The following SLC24A2 variants were observed in gnomAD, a reference collection of about 807,000 sequenced individuals.
The protein encoded by SLC24A2 is sodium/potassium/calcium exchanger 2.
A neutral mutation model predicts 62.0 loss-of-function variants in SLC24A2; 36 were observed. That is an observed-to-expected ratio of 0.58 (90% CI 0.44 to 0.77). SLC24A2 has a LOEUF of 0.77. Ranked by LOEUF, SLC24A2 falls within the 30% of genes least tolerant of loss-of-function variation. SLC24A2 has a pLI of 0.00. For missense variants in SLC24A2, 846 were observed against 817.9 expected (o/e 1.03, Z -0.42); for synonymous variants, 358 against 294.0 (o/e 1.22, Z -2.23).
the SLC24A2 span, among the ~76,000 whole-genome samples, chr9:20,246,153 A>G: frequency 6.8e-6 from 1 of 146,020 alleles, no homozygotes; most frequent in Non-Finnish European, 1.5e-5. Flanking sequence ...TAGGTCTGGC[A>G]CTCAGAGAAA....
chr9:19,594,578 T>A (rs1339724110), intron 5 of SLC24A2, among the ~76,000 whole-genome samples: 1 of 152,178 alleles, frequency 6.6e-6, no homozygotes, highest in African/African-American at 2.4e-5. Context: ...GAAACAGTTA[T>A]AAATAAGGAC....
At chr9:19,955,406 TTGAGATG>T in the SLC24A2 span, among the ~76,000 whole-genome samples, 1 of 151,452 alleles carries the variant, frequency 6.6e-6, no homozygotes, top group Non-Finnish European at 1.5e-5. Flanking sequence ...TCCTTTTTTA[TTGAGATG>T]TTAGTAAGGG....
At chr9:20,100,967 T>C in the SLC24A2 span, among the ~76,000 whole-genome samples, 449 of 152,318 alleles carry the variant, frequency 2.9e-3, 1 homozygote, top group Non-Finnish European at 4.1e-3. Context: ...TACACAGTGG[T>C]AACTTGTGCA....
the SLC24A2 span, among the ~76,000 whole-genome samples, chr9:19,801,350 C>T: frequency 2.0e-5 from 3 of 152,144 alleles, no homozygotes; most frequent in Non-Finnish European, 2.9e-5. Flanking sequence ...GTGGGTGCCT[C>T]GCTGGTTCAG....
At chr9:19,801,525 C>T in the SLC24A2 span, among the ~76,000 whole-genome samples, 1 of 152,224 alleles carries the variant, frequency 6.6e-6, no homozygotes, top group African/African-American at 2.4e-5. Context: ...GAAAACAGAG[C>T]TCCCATACAA....
At chr9:19,662,778 T>G (rs981892091) in intron 2 of SLC24A2, among the ~76,000 whole-genome samples, 1 of 152,224 alleles carries the variant, frequency 6.6e-6, no homozygotes, top group Non-Finnish European at 1.5e-5. Context: ...CAATTTGATT[T>G]AATGCCCATT....
At chr9:19,947,691 T>C in the SLC24A2 span, among the ~76,000 whole-genome samples, 3 of 149,162 alleles carry the variant, frequency 2.0e-5, no homozygotes, top group Non-Finnish European at 4.4e-5. Flanking sequence ...CTCGGGAGGC[T>C]GAGGCAGGAG....
chr9:20,127,221 A>G, the SLC24A2 span, among the ~76,000 whole-genome samples: 3 of 151,962 alleles, frequency 2.0e-5, no homozygotes, highest in Admixed American at 1.3e-4. Flanking sequence ...CTTCATTCTA[A>G]TCCTCTCAAT....
chr9:20,080,305 T>G, the SLC24A2 span, among the ~76,000 whole-genome samples: 2 of 152,108 alleles, frequency 1.3e-5, no homozygotes, highest in Admixed American at 6.5e-5. Context: ...CAGAACAGAG[T>G]GCTCAGAAAT....
At chr9:20,004,592 A>G in the SLC24A2 span, among the ~76,000 whole-genome samples, 1 of 152,350 alleles carries the variant, frequency 6.6e-6, no homozygotes, top group Non-Finnish European at 1.5e-5. Context: ...GGATTTCACC[A>G]TATACAGATG....
chr9:19,572,111 C>CAAA (rs202225997), intron 7 of SLC24A2, among the ~76,000 whole-genome samples: 1 of 142,670 alleles, frequency 7.0e-6, no homozygotes, highest in African/African-American at 2.6e-5. Flanking sequence ...ACTAAAAATG[C>CAAA]AAAAAAAAAA....
intron 8 of SLC24A2, among the ~76,000 whole-genome samples, chr9:19,549,464 C>A (rs762754068): frequency 6.6e-6 from 1 of 152,182 alleles, no homozygotes; most frequent in East Asian, 1.9e-4. Flanking sequence ...GGGACTGAAT[C>A]ATCACAGACC....
chr9:19,605,374 C>G (rs920321191), intron 4 of SLC24A2, among the ~76,000 whole-genome samples: 11 of 152,116 alleles, frequency 7.2e-5, no homozygotes, highest in Admixed American at 7.2e-4. Context: ...CAAATGAAAT[C>G]TGGCCTTTTG....
At chr9:20,235,929 T>C in the SLC24A2 span, among the ~76,000 whole-genome samples, 1 of 152,210 alleles carries the variant, frequency 6.6e-6, no homozygotes, top group Non-Finnish European at 1.5e-5. Flanking sequence ...CACTGTAAGC[T>C]TTCCAAGGAC....
At chr9:20,186,900 C>T in the SLC24A2 span, among the ~76,000 whole-genome samples, 1 of 152,162 alleles carries the variant, frequency 6.6e-6, no homozygotes, top group East Asian at 1.9e-4. Context: ...CAACTTCATT[C>T]TGACCTTTGG....
chr9:19,623,531 G>C (rs12378333), intron 2 of SLC24A2, among the ~76,000 whole-genome samples: 2 of 152,084 alleles, frequency 1.3e-5, no homozygotes, highest in Non-Finnish European at 2.9e-5. Context: ...AAATAGAAGG[G>C]ATTCTTATAA....
At chr9:19,907,300 T>C in the SLC24A2 span, among the ~76,000 whole-genome samples, 4 of 152,128 alleles carry the variant, frequency 2.6e-5, no homozygotes, top group Admixed American at 1.3e-4. Flanking sequence ...AAACACTCAA[T>C]AAATTAGGTG....
chr9:20,166,325 T>C, the SLC24A2 span, among the ~76,000 whole-genome samples: 2 of 151,986 alleles, frequency 1.3e-5, no homozygotes, highest in Non-Finnish European at 2.9e-5. Context: ...CATTACAGCA[T>C]TACTTGCAAT....
At chr9:20,064,980 G>A in the SLC24A2 span, among the ~76,000 whole-genome samples, 1 of 152,162 alleles carries the variant, frequency 6.6e-6, no homozygotes, top group Admixed American at 6.6e-5. Flanking sequence ...TGAGTAGTGA[G>A]AACAAAATGT....
Sources: allele counts gnomAD v4.1 joint callset (sites outside exome capture counted in the v4.1 genomes callset), GRCh38; gene constraint gnomAD v4.1.1; transcripts MANE v1.5; gene names NCBI Gene and HGNC (gene_info 2026-07-23, HGNC 2026-07-21).